UBAP1: variants seen among roughly 807,000 people sequenced by gnomAD.
The protein encoded by UBAP1 is ubiquitin associated protein 1.
Under a neutral mutation model 39.0 loss-of-function variants are expected in UBAP1, and 5 were observed. That is an observed-to-expected ratio of 0.13 (90% CI 0.07 to 0.27). The LOEUF is 0.27. UBAP1 is among the 10% of genes least tolerant of loss of function. UBAP1 has a pLI of 1.00. For synonymous variants in UBAP1, 211 were observed against 225.1 expected, an observed-to-expected ratio of 0.94 and a Z score of 0.56; for missense variants, 490 against 608.1, an observed-to-expected ratio of 0.81 and a Z score of 2.04.
intron 3 of UBAP1, 31 bp from the exon 4 acceptor site, chr9:34,241,154 C>T (rs1833933522): frequency 7.2e-6 from 10 of 1,397,670 alleles, no homozygotes; most frequent in Non-Finnish European, 8.4e-6. Context: ...CACCTGGGTT[C>T]ACACCCCCTT....
rs150314272 is a variant in UBAP1 at position 34,241,623 on chromosome 9, T to G, written c.598T>G (p.Leu200Val). The G allele has an allele frequency of 1.9e-6, 3 of 1,613,992 alleles. No homozygotes were observed. In the African/African-American group the frequency reaches 4.0e-5, roughly 22 times the overall value. ...TATGGCTCAGTTATTGGACAATAAC[T>G]TGCCCAGGGGAGGCTCTGGGTCTGT... ...PIMAQLLDNN[L>V]PRGGSGSVLQ... Residue 200 changes from leucine (L) to valine (V), a missense_variant, in exon 4 of 7, where the codon TTG (leucine) becomes GTG (valine). Physicochemically the swap from Leu to Val is conservative, Grantham distance 32. Transcript: ENST00000297661.
At chr9:34,199,839 C>T (rs935887269) in intron 1 of UBAP1, among the ~76,000 whole-genome samples, 1 of 146,406 alleles carries the variant, frequency 6.8e-6, no homozygotes, top group African/African-American at 2.5e-5. Context: ...CTGGGTTTCA[C>T]CATGTTGCCC....
At chr9:34,211,605 C>T (rs1158443025) in intron 1 of UBAP1, among the ~76,000 whole-genome samples, 2 of 152,080 alleles carry the variant, frequency 1.3e-5, no homozygotes, top group Non-Finnish European at 2.9e-5. Context: ...AATACAGTTG[C>T]CCTTGGGCTT....
At chr9:34,223,668 G>T (rs1587850159) in intron 2 of UBAP1, among the ~76,000 whole-genome samples, 2 of 152,232 alleles carry the variant, frequency 1.3e-5, no homozygotes, top group Middle Eastern at 6.8e-3. Flanking sequence ...TATTAGCCAG[G>T]ATGGTCTCGA....
intron 2 of UBAP1, among the ~76,000 whole-genome samples, chr9:34,226,535 C>T (rs966046124): frequency 2.0e-5 from 3 of 152,140 alleles, no homozygotes; most frequent in Non-Finnish European, 2.9e-5. Context: ...CCGCGCCTGG[C>T]CTTGTTTCTA....
At chr9:34,217,046 G>A (rs566271719) in intron 1 of UBAP1, among the ~76,000 whole-genome samples, 27 of 151,778 alleles carry the variant, frequency 1.8e-4, no homozygotes, top group African/African-American at 6.3e-4. Flanking sequence ...CCACCTCTCC[G>A]GCCTCTGGTA....
chr9:34,247,423 CTTAT>C (rs569901311), intron 4 of UBAP1, among the ~76,000 whole-genome samples: 21 of 151,528 alleles, frequency 1.4e-4, no homozygotes, highest in African/African-American at 2.7e-4. Flanking sequence ...ATCTTTTTTT[CTTAT>C]TTATTTATTT....
At position 34,192,704 on chromosome 9, in the gene UBAP1, T is replaced by G. The variant is rs532045012; in HGVS notation, c.-8+13464T>G. On this transcript the variant is annotated intron_variant, in intron 1 of 6. Transcript: ENST00000297661. ...TACCTCCCACCTTGGCTTCCCAAAG[T>G]GCTGGGATTATAGGCATGAGCCACC... Among the ~76,000 whole-genome samples the G allele has an allele frequency of 6.6e-5, 10 of 152,166 alleles. No homozygotes were observed. The South Asian group carries it at 2.1e-3, about 32-fold the overall frequency.
chr9:34,209,008 C>T (rs900870391), intron 1 of UBAP1, among the ~76,000 whole-genome samples: 2 of 151,858 alleles, frequency 1.3e-5, no homozygotes, highest in African/African-American at 4.8e-5. Context: ...GATCTCGGCT[C>T]ACCGCAACCT....
At chr9:34,244,009 G>A (rs893853115) in intron 4 of UBAP1, among the ~76,000 whole-genome samples, 7 of 151,358 alleles carry the variant, frequency 4.6e-5, no homozygotes, top group African/African-American at 1.7e-4. Context: ...GCCACCATGC[G>A]CAGCTAATTT....
In UBAP1 at chr9:34,197,381, A is replaced by G. The variant is rs190568235; in HGVS notation, c.-8+18141A>G. ...GTCTCAAACAGCCGGGGCTCAAGCA[A>G]TCTGCCCGCCTTGGCCTCCCAAAGT... is the stretch of plus-strand genomic sequence containing the variant. On this transcript the variant is annotated intron_variant, in intron 1 of 6. Coordinates refer to ENST00000297661, the MANE Select transcript of UBAP1 (RefSeq NM_016525.5). 1.1e-4 allele frequency among the ~76,000 whole-genome samples: 17 copies of G among 152,170 alleles called. No homozygotes were observed. The East Asian group carries it at 1.2e-3, about 10-fold the overall frequency.
At position 34,241,956 on chromosome 9, in the gene UBAP1, A is replaced by G. The variant is rs1250024252; in HGVS notation, c.931A>G (p.Ser311Gly). 1.4e-5 allele frequency: 22 copies of G among 1,614,066 alleles called. No individual in the cohort carries two copies. In the Admixed American group the frequency reaches 1.8e-4, roughly 13 times the overall value. The part of the protein sequence containing the change: ...SLKPSTQSSA[S>G]ELNGHHTLGL... ...AAAGCCTTCCACCCAAAGCAGTGCC[A>G]GTGAGCTCAATGGGCATCACACTCT... The change falls in exon 4 of 7, where the codon AGT (serine) becomes GGT (glycine). Residue 311 changes from serine (S) to glycine (G), a missense_variant. Transcript: ENST00000297661.
chr9:34,224,191 T>C, intron 2 of UBAP1: 1 of 552,308 alleles, frequency 1.8e-6, no homozygotes, highest in East Asian at 3.1e-5. Context: ...TTTTAGATCA[T>C]TTTTTGTTTA....
chr9:34,219,562 G>A (rs1170696119), intron 1 of UBAP1, among the ~76,000 whole-genome samples: 1 of 151,698 alleles, frequency 6.6e-6, no homozygotes, highest in African/African-American at 2.4e-5. Context: ...CTAAATCCTT[G>A]GCACCAGAAG....
intron 1 of UBAP1, 119 bp downstream of exon 1, chr9:34,179,359 A>T: frequency 1.3e-6 from 1 of 753,624 alleles, no homozygotes; most frequent in Non-Finnish European, 1.8e-6. Flanking sequence ...CGCCGGAGCT[A>T]GGAGGTGGGA....
At chr9:34,199,910 T>C (rs973008618) in intron 1 of UBAP1, among the ~76,000 whole-genome samples, 3 of 151,418 alleles carry the variant, frequency 2.0e-5, no homozygotes, top group African/African-American at 7.3e-5. Context: ...CCTTGCAAAG[T>C]ACTGAGATTA....
At chr9:34,215,008 A>G (rs891442803) in intron 1 of UBAP1, among the ~76,000 whole-genome samples, 2 of 152,206 alleles carry the variant, frequency 1.3e-5, no homozygotes, top group African/African-American at 4.8e-5. Flanking sequence ...TGATCAGGCA[A>G]CACATTTACA....
intron 1 of UBAP1, chr9:34,191,883 C>A (rs1471803598): frequency 6.6e-6 from 1 of 151,940 alleles, no homozygotes; most frequent in African/African-American, 2.4e-5. Context: ...AGGATTTAAA[C>A]TACTAAAAAG....
At chr9:34,207,819 A>T (rs965166066) in intron 1 of UBAP1, among the ~76,000 whole-genome samples, 12 of 152,086 alleles carry the variant, frequency 7.9e-5, no homozygotes, top group Admixed American at 3.3e-4. Flanking sequence ...CAGAATATTA[A>T]TTTTGTATCC....
Sources: allele counts gnomAD v4.1 joint callset (sites outside exome capture counted in the v4.1 genomes callset), GRCh38; gene constraint gnomAD v4.1.1; transcripts MANE v1.5; gene names NCBI Gene and HGNC (gene_info 2026-07-23, HGNC 2026-07-21).